The following PACRG variants were observed in gnomAD, a reference collection of about 807,000 sequenced individuals.
The protein encoded by PACRG is parkin coregulated.
A neutral mutation model predicts 29.7 loss-of-function variants in PACRG; 29 were observed. The ratio of observed to expected loss-of-function variants is 0.98; its 90% CI spans 0.73 to 1.33. PACRG has a LOEUF of 1.33. PACRG is among the 40% of genes most tolerant of loss of function. The probability of loss-of-function intolerance (pLI) is 0.00; values close to 1 mark genes in which losing one functional copy is unlikely to be tolerated. For missense variants in PACRG, 279 were observed against 316.2 expected (o/e 0.88, Z 0.89); for synonymous variants, 116 against 118.7 (o/e 0.98, Z 0.15).
intron 2 of PACRG, among the ~76,000 whole-genome samples, chr6:163,024,101 T>C (rs1806892208): frequency 6.6e-6 from 1 of 152,228 alleles, no homozygotes; most frequent in Admixed American, 6.5e-5. Flanking sequence ...TTTTTGTTTT[T>C]GTTGCACTTG....
chr6:162,928,759 C>T lies in PACRG; in HGVS notation c.291+114478C>T, dbSNP rs188806411. Among the ~76,000 whole-genome samples, 198 of 151,698 alleles carry T rather than the reference C, an allele frequency of 1.3e-3. 2 individuals are homozygous for T. Among genetic ancestry groups the T allele is most frequent in the African/African-American group, 4.5e-3 (188 of 41,416 alleles). ...CTATATGTATGTATGTTTTTATTTTCTCCCCCTACTCCCCACTCTTTCCAA... is the reference window on the plus strand; with the variant it reads ...CTATATGTATGTATGTTTTTATTTTTTCCCCCTACTCCCCACTCTTTCCAA... On this transcript the variant is annotated intron_variant, in intron 2 of 4. Transcript: ENST00000366888.
At chr6:163,011,132 G>A (rs1805575318) in intron 2 of PACRG, among the ~76,000 whole-genome samples, 1 of 152,106 alleles carries the variant, frequency 6.6e-6, no homozygotes, top group Non-Finnish European at 1.5e-5. Context: ...CTGGGAGGGT[G>A]GGCTTCCTGT....
intron 4 of PACRG, among the ~76,000 whole-genome samples, chr6:163,184,543 G>A (rs939873523): frequency 6.6e-6 from 1 of 152,124 alleles, no homozygotes; most frequent in Non-Finnish European, 1.5e-5. Flanking sequence ...TAAGGGCTTC[G>A]AAAACCCAAA....
intron 4 of PACRG, among the ~76,000 whole-genome samples, chr6:163,134,546 T>A (rs566296242): frequency 5.9e-5 from 9 of 152,196 alleles, no homozygotes; most frequent in Non-Finnish European, 1.3e-4. Context: ...CCAACACTGA[T>A]GTCTACAGCA....
intron 2 of PACRG, among the ~76,000 whole-genome samples, chr6:162,977,812 T>G (rs1802080780): frequency 6.6e-6 from 1 of 152,184 alleles, no homozygotes; most frequent in Non-Finnish European, 1.5e-5. Flanking sequence ...CTACCTTATT[T>G]TTTAATCTTA....
rs188343795 is a variant in PACRG, at chr6:163,113,621, C to A, written c.613+24213C>A. Among the ~76,000 whole-genome samples the A allele has an allele frequency of 3.4e-3, 521 of 151,868 alleles. 2 individuals are homozygous for A. Among genetic ancestry groups the A allele is most frequent in the African/African-American group, 0.012 (496 of 41,412 alleles). On this transcript the variant is annotated intron_variant, in intron 4 of 4. Coordinates refer to ENST00000366888, the MANE Select transcript of PACRG (RefSeq NM_001080379.2). ...AGCAAGGAAAAACAAAACAAACAAA[C>A]AAAAAAAATTGTCAACCAAGAACCC... is the stretch of plus-strand genomic sequence containing the variant.
At chr6:163,156,038 G>C (rs1778299216) in intron 4 of PACRG, among the ~76,000 whole-genome samples, 1 of 152,252 alleles carries the variant, frequency 6.6e-6, no homozygotes, top group East Asian at 1.9e-4. Context: ...GGGGCCCTTC[G>C]CAGCGCTCTC....
intron 2 of PACRG, among the ~76,000 whole-genome samples, chr6:163,040,421 C>G (rs1368844900): frequency 1.3e-5 from 2 of 152,224 alleles, no homozygotes; most frequent in Non-Finnish European, 2.9e-5. Flanking sequence ...TACAGAGTCC[C>G]CACTGGGGCA....
At chr6:163,203,601 G>A (rs1037644205) in intron 4 of PACRG, among the ~76,000 whole-genome samples, 3 of 152,192 alleles carry the variant, frequency 2.0e-5, no homozygotes, top group Non-Finnish European at 4.4e-5. Context: ...CTGCTTCAGC[G>A]CATCACGCTG....
At chr6:162,903,503 C>T (rs574180141) in intron 2 of PACRG, among the ~76,000 whole-genome samples, 35 of 152,232 alleles carry the variant, frequency 2.3e-4, no homozygotes, top group African/African-American at 7.9e-4. Flanking sequence ...ACACATCTTA[C>T]ATGGCGGCAG....
At chr6:162,808,836 A>G (rs1786586232) in intron 1 of PACRG, among the ~76,000 whole-genome samples, 2 of 152,176 alleles carry the variant, frequency 1.3e-5, no homozygotes, top group Admixed American at 1.3e-4. Context: ...AAATTGAGGT[A>G]AAATTCTTAA....
intron 4 of PACRG, chr6:163,179,394 TAAA>T (rs5881511): frequency 0.012 from 2,543 of 215,614 alleles, no homozygotes; most frequent in South Asian, 0.029. Flanking sequence ...TTCTTTAAAT[TAAA>T]AAAAAAAAAA....
intron 2 of PACRG, among the ~76,000 whole-genome samples, chr6:162,876,011 C>G (rs556939080): frequency 3.3e-5 from 5 of 152,202 alleles, no homozygotes; most frequent in African/African-American, 9.6e-5. Flanking sequence ...TAGATAGAGC[C>G]GAAGATTACA....
chr6:162,975,152 A>T (rs1801844923), intron 2 of PACRG, among the ~76,000 whole-genome samples: 1 of 152,214 alleles, frequency 6.6e-6, no homozygotes, highest in South Asian at 2.1e-4. Flanking sequence ...GTATCCAGAC[A>T]GGAAGTCCAT....
intron 2 of PACRG, among the ~76,000 whole-genome samples, chr6:162,961,960 T>A (rs1239387036): frequency 2.6e-5 from 4 of 152,204 alleles, no homozygotes; most frequent in African/African-American, 9.6e-5. Context: ...GTGCTCCAAT[T>A]ATATATTTCT....
At chr6:162,913,491 A>T (rs1319095202) in intron 2 of PACRG, among the ~76,000 whole-genome samples, 1 of 152,076 alleles carries the variant, frequency 6.6e-6, no homozygotes, top group Non-Finnish European at 1.5e-5. Flanking sequence ...AGTTTCAGGG[A>T]TCTTAAACAT....
At chr6:163,277,466 GGT>G (rs1344428132) in intron 4 of PACRG, among the ~76,000 whole-genome samples, 42 of 132,246 alleles carry the variant, frequency 3.2e-4, no homozygotes, top group Non-Finnish European at 9.5e-5. Context: ...AGTATCTCAT[GGT>G]GTGTGTGTAT....
chr6:162,734,830 C>T (rs1780037248), intron 1 of PACRG, among the ~76,000 whole-genome samples: 1 of 152,200 alleles, frequency 6.6e-6, no homozygotes, highest in Non-Finnish European at 1.5e-5. Context: ...CACACTGATA[C>T]AACCAACACC....
chr6:162,872,350 A>C (rs905216259), intron 2 of PACRG, among the ~76,000 whole-genome samples: 5 of 152,224 alleles, frequency 3.3e-5, no homozygotes, highest in African/African-American at 1.2e-4. Context: ...TAAATAGATT[A>C]ATACTTCTAA....
Sources: allele counts gnomAD v4.1 joint callset (sites outside exome capture counted in the v4.1 genomes callset), GRCh38; gene constraint gnomAD v4.1.1; transcripts MANE v1.5; gene names NCBI Gene and HGNC (gene_info 2026-07-23, HGNC 2026-07-21).